WWP2: variants seen among roughly 807,000 people sequenced by gnomAD.
WWP2 encodes NEDD4-like E3 ubiquitin-protein ligase WWP2.
A neutral mutation model predicts 121.0 loss-of-function variants in WWP2; 57 were observed. That is an observed-to-expected ratio of 0.47 (90% CI 0.38 to 0.59). The LOEUF is 0.59. Ranked by LOEUF, WWP2 falls within the 20% of genes least tolerant of loss-of-function variation. The pLI, the probability that WWP2 is intolerant of heterozygous loss-of-function variation, is 0.00. For missense variants in WWP2, 962 were observed against 1,158.9 expected (o/e 0.83, Z 2.47); for synonymous variants, 449 against 441.3 (o/e 1.02, Z -0.22).
chr16:69,767,827 T>A (rs976137278), intron 1 of WWP2, among the ~76,000 whole-genome samples: 2 of 152,182 alleles, frequency 1.3e-5, no homozygotes, highest in Non-Finnish European at 2.9e-5. Context: ...TGAAATTTCT[T>A]TTCTTTCTTC....
Position 69,940,826 on chromosome 16 carries a change from G to T in WWP2, c.*886G>T, listed in dbSNP as rs1164009172. 2.0e-5 allele frequency: 3 copies of T among 153,424 alleles called. No homozygotes were observed. Among genetic ancestry groups the T allele is most frequent in the African/African-American group, 7.2e-5 (3 of 41,470 alleles). 9.5% of individuals were successfully genotyped at this position (153,424 alleles called of 1,614,324 possible). ...AGGCCTGACCCGGCGGCACAGCCTGGCAGGGACCTCGTCCCCAAGCCTGGC... is the reference window on the plus strand; with the variant it reads ...AGGCCTGACCCGGCGGCACAGCCTGTCAGGGACCTCGTCCCCAAGCCTGGC... On this transcript the variant is annotated 3_prime_UTR_variant, in exon 24 of 24. Transcript: ENST00000359154.
chr16:69,924,443 A>T (rs2058608599), intron 10 of WWP2, among the ~76,000 whole-genome samples: 1 of 152,240 alleles, frequency 6.6e-6, no homozygotes, highest in Non-Finnish European at 1.5e-5. Context: ...AAGAAAAAAA[A>T]GAAAGGAAGA....
chr16:69,766,785 G>T (rs1438798677), intron 1 of WWP2, among the ~76,000 whole-genome samples: 2 of 151,908 alleles, frequency 1.3e-5, no homozygotes, highest in Admixed American at 6.6e-5. Context: ...TTGGAGTGTT[G>T]TTCTGTTGCC....
intron 6 of WWP2, among the ~76,000 whole-genome samples, chr16:69,860,031 C>T (rs1419175605): frequency 6.6e-6 from 1 of 151,926 alleles, no homozygotes; most frequent in Non-Finnish European, 1.5e-5. Context: ...ATTCTCCCCA[C>T]AGTAGAAAGA....
chr16:69,786,919 A>G, intron 1 of WWP2, 77 bp from the exon 2 acceptor site: 1 of 1,296,232 alleles, frequency 7.7e-7, no homozygotes, highest in Non-Finnish European at 1.1e-6. Flanking sequence ...CTTTAAGCTT[A>G]AATATTGAAA....
chr16:69,917,783 G>A lies in WWP2; in HGVS notation c.1079G>A (p.Arg360His), dbSNP rs776915745. ...DHNTRTTTWQRPTAEYVRNYE... is the reference protein window; with the variant it reads ...DHNTRTTTWQHPTAEYVRNYE... Reference sequence around the variant, plus strand: ...AATACTCGGACCACCACCTGGCAGCGTCCGACCGCGGAGTACGTGCGCAAC... The same window carrying A: ...AATACTCGGACCACCACCTGGCAGCATCCGACCGCGGAGTACGTGCGCAAC... Residue 360 changes from arginine to histidine, a missense_variant, in exon 10 of 24, where the codon CGT becomes CAT. Physicochemically the swap from Arg to His is conservative, Grantham distance 29. This residue lies in a region of WWP2 where 606 missense variants were observed against 772.6 expected (regional missense o/e 0.78). Coordinates refer to ENST00000359154, the MANE Select transcript of WWP2 (RefSeq NM_001270454.2). The A allele has an allele frequency of 3.7e-6, 6 of 1,613,868 alleles. No homozygotes were observed. Among genetic ancestry groups the A allele is most frequent in the East Asian group, 2.2e-5 (1 of 44,886 alleles).
At chr16:69,822,876 C>T (rs1567685739) in intron 4 of WWP2, among the ~76,000 whole-genome samples, 1 of 152,182 alleles carries the variant, frequency 6.6e-6, no homozygotes, top group African/African-American at 2.4e-5. Flanking sequence ...GTGGCTCACG[C>T]CTGCAATCCC....
At chr16:69,871,760 TCA>T (rs1379499610) in intron 6 of WWP2, 42 bp from the exon 7 acceptor site, 1 of 1,609,722 alleles carries the variant, frequency 6.2e-7, no homozygotes. Context: ...TCTGTCCTTT[TCA>T]CAGTGACTTA....
At position 69,778,420 on chromosome 16, in the gene WWP2, A is replaced by G. The variant is rs557139914; in HGVS notation, c.-15-8576A>G. Among the ~76,000 whole-genome samples, 6 of 152,130 alleles carry G rather than the reference A, an allele frequency of 3.9e-5. No individual in the cohort carries two copies. In the South Asian group the frequency reaches 1.2e-3, roughly 32 times the overall value. ...AGTGATTAGGATGCAATTACTTTCC[A>G]TGGCTATTAGCAGGGGAGAAATTAC... On this transcript the variant is annotated intron_variant, in intron 1 of 23. Transcript: ENST00000359154.
At chr16:69,928,135 G>A (rs554131164) in intron 11 of WWP2, among the ~76,000 whole-genome samples, 17 of 152,328 alleles carry the variant, frequency 1.1e-4, no homozygotes, top group Non-Finnish European at 1.9e-4. Context: ...GAGTCTTGGA[G>A]TCAGGAGGGG....
chr16:69,910,996 C>T (rs370572731), intron 9 of WWP2, among the ~76,000 whole-genome samples: 5 of 152,198 alleles, frequency 3.3e-5, no homozygotes, highest in Non-Finnish European at 5.9e-5. Flanking sequence ...CATTTCTGCT[C>T]TGTAATCACA....
At chr16:69,918,285 A>T (rs1165309418) in intron 10 of WWP2, among the ~76,000 whole-genome samples, 1 of 152,118 alleles carries the variant, frequency 6.6e-6, no homozygotes, top group South Asian at 2.1e-4. Flanking sequence ...AAAAAAAAAC[A>T]AAAACAAAAA....
intron 2 of WWP2, among the ~76,000 whole-genome samples, chr16:69,794,333 C>T (rs527549411): frequency 6.6e-6 from 1 of 152,164 alleles, no homozygotes; most frequent in South Asian, 2.1e-4. Context: ...AAGTTTGAGA[C>T]CAGCCTGGGC....
In WWP2 at chr16:69,878,402, G is replaced by T. The variant is rs968545353; in HGVS notation, c.703+6471G>T. 2.5e-4 allele frequency among the ~76,000 whole-genome samples: 38 copies of T among 152,316 alleles called. 1 individual carries two copies. The highest frequency in any genetic ancestry group is 8.9e-4 in the African/African-American group (37 of 41,572). The stretch of plus-strand genomic sequence containing the variant: ...AGTGCAACTCAACAAAACAAGGTAT[G>T]CCTGTATATAAAACATGCAGAGTGT... On this transcript the variant is annotated intron_variant, in intron 7 of 23. Transcript: ENST00000359154.
chr16:69,827,725 G>T (rs2056727499), intron 4 of WWP2, among the ~76,000 whole-genome samples: 2 of 152,334 alleles, frequency 1.3e-5, no homozygotes, highest in South Asian at 4.1e-4. Flanking sequence ...CACAGAGCAT[G>T]GGTGATCTGT....
intron 4 of WWP2, among the ~76,000 whole-genome samples, chr16:69,833,360 C>T (rs2056824342): frequency 6.6e-6 from 1 of 152,230 alleles, no homozygotes; most frequent in Non-Finnish European, 1.5e-5. Context: ...GTGTGTCTCT[C>T]TGTCCCTCAT....
At chr16:69,909,525 A>G (rs2058349833) in intron 9 of WWP2, 2 of 985,426 alleles carry the variant, frequency 2.0e-6, no homozygotes, top group African/African-American at 3.5e-5. Flanking sequence ...CTGGTCCCAT[A>G]ATTCTCCATG....
At position 69,935,244 on chromosome 16, in the gene WWP2, G is replaced by A. The variant is rs1044952538; in HGVS notation, c.1843-609G>A. On this transcript the variant is annotated intron_variant, in intron 17 of 23. Coordinates refer to ENST00000359154, the MANE Select transcript of WWP2 (RefSeq NM_001270454.2). This position sits in a 1 kb window ranked among gnomAD's most constrained non-coding sequence, Gnocchi z 5.2. ...TTAGGAGGACCCAAGCGCCCCATGA[G>A]CCTGTGACTAAATATGGCCGGCCCT... Among the ~76,000 whole-genome samples the A allele has an allele frequency of 6.6e-6, 1 of 152,180 alleles. No homozygotes were observed. The highest frequency in any genetic ancestry group is 1.5e-5 in the Non-Finnish European group (1 of 68,030).
At chr16:69,904,384 T>C (rs2058254418) in intron 8 of WWP2, among the ~76,000 whole-genome samples, 1 of 152,010 alleles carries the variant, frequency 6.6e-6, no homozygotes, top group South Asian at 2.1e-4. Flanking sequence ...TTTCTTTTTT[T>C]TTTTTTTTGA....
Sources: gnomAD v4.1 joint callset for allele counts (sites outside exome capture counted in the v4.1 genomes callset) on GRCh38, gnomAD v4.1.1 for gene constraint, gnomAD v4.1.1 regional missense constraint, Gnocchi (gnomAD v3.1) non-coding constraint, MANE v1.5 for transcripts, NCBI Gene and HGNC (gene_info 2026-07-23, HGNC 2026-07-21) for gene names.